The following CSAD variants were observed in gnomAD, a reference collection of about 807,000 sequenced individuals.
The protein encoded by CSAD is P-selectin cytoplasmic tail-associated protein.
Under a neutral mutation model 61.5 loss-of-function variants are expected in CSAD, and 47 were observed. The ratio of observed to expected loss-of-function variants is 0.76; its 90% CI spans 0.60 to 0.97. The LOEUF is 0.97. CSAD is among the 50% of genes least tolerant of loss of function. CSAD has a pLI of 0.00. For synonymous variants in CSAD, 245 were observed against 252.7 expected (o/e 0.97, Z 0.29); for missense variants, 611 against 643.6 (o/e 0.95, Z 0.55).
At position 53,159,996 on chromosome 12, in the gene CSAD, A is replaced by G. The variant is rs1245488341; in HGVS notation, c.1167-58T>C. The G allele has an allele frequency of 1.9e-6, 3 of 1,600,186 alleles. No individual in the cohort carries two copies. The East Asian group carries it at 6.7e-5, about 36-fold the overall frequency. On this transcript the variant is annotated intron_variant, in intron 14 of 16. Transcript: ENST00000444623. ...GAGGAAAAGCAGAGATCCAGACAGA[A>G]GAGGCCCACGTAGAATGAGCCACAG...
At chr12:53,173,883 G>A in intron 2 of CSAD, 113 bp from the exon 3 acceptor site, 2 of 1,072,128 alleles carry the variant, frequency 1.9e-6, no homozygotes, top group East Asian at 2.6e-5. Flanking sequence ...TCTAACGCCA[G>A]AACATTTTCA....
rs1337869866 is a variant in CSAD, at chr12:53,159,722, A to ATGAGAAAGAGGAAGGTGTGAGC, written c.1219-32_1219-11dup. The ATGAGAAAGAGGAAGGTGTGAGC allele has an allele frequency of 3.7e-6, 6 of 1,603,344 alleles. No homozygotes were observed. The African/African-American group carries it at 4.0e-5, about 11-fold the overall frequency. ...CATTGACAAACTCAGGCTGAGAGGA[A>ATGAGAAAGAGGAAGGTGTGAGC]TGAGAAAGAGGAAGGTGTGAGCTGA... is the stretch of plus-strand genomic sequence containing the variant. On this transcript the variant is annotated splice_polypyrimidine_tract_variant and intron_variant, in intron 15 of 16. Transcript: ENST00000444623.
chr12:53,178,063 T>C (rs1414494569), intron 2 of CSAD, among the ~76,000 whole-genome samples: 5 of 152,190 alleles, frequency 3.3e-5, no homozygotes, highest in African/African-American at 1.2e-4. Flanking sequence ...AAAAAATTCA[T>C]AGCATACACT....
intron 8 of CSAD, chr12:53,170,964 AC>A (rs1011755323): frequency 1.3e-4 from 55 of 421,850 alleles, no homozygotes; most frequent in African/African-American, 9.9e-4. Flanking sequence ...CAGGCAATCC[AC>A]CCACCTCAGC....
upstream of CSAD, chr12:53,181,019 GCGCGTCCCGC>G (rs1428118917): frequency 1.2e-6 from 1 of 862,042 alleles, no homozygotes; most frequent in Non-Finnish European, 1.5e-6. Context: ...CCCCCTGCCC[GCGCGTCCCGC>G]CGCGTCCCCG....
chr12:53,164,456 G>A, intron 10 of CSAD: 1 of 177,950 alleles, frequency 5.6e-6, no homozygotes, highest in South Asian at 1.1e-4. Context: ...CTGGAGGCCA[G>A]TATCCTAAGT....
chr12:53,177,584 T>C (rs1136356), intron 2 of CSAD, among the ~76,000 whole-genome samples: 5 of 152,180 alleles, frequency 3.3e-5, no homozygotes, highest in Admixed American at 2.6e-4. Flanking sequence ...AGCTCACGAG[T>C]TGGAAACCAG....
At chr12:53,177,030 C>CA (rs2121520203) in intron 2 of CSAD, among the ~76,000 whole-genome samples, 1 of 152,128 alleles carries the variant, frequency 6.6e-6, no homozygotes, top group South Asian at 2.1e-4. Flanking sequence ...CTCGCCTGGC[C>CA]AAAATATAAT....
chr12:53,160,881 T>C, intron 12 of CSAD, 37 bp from the exon 13 acceptor site: 1 of 1,524,624 alleles, frequency 6.6e-7, no homozygotes, highest in Admixed American at 2.0e-5. Flanking sequence ...CAGTGGCTCC[T>C]CCTCCAGCTG....
intron 1 of CSAD, chr12:53,179,685 TGA>T: frequency 8.5e-7 from 1 of 1,182,594 alleles, no homozygotes; most frequent in Non-Finnish European, 1.2e-6. Context: ...AAAAAAAAGT[TGA>T]GAATCCTTGT....
chr12:53,159,487 G>GA, intron 16 of CSAD, 136 bp downstream of exon 16: 1 of 692,092 alleles, frequency 1.4e-6, no homozygotes, highest in South Asian at 1.8e-5. Context: ...CACCCCTACC[G>GA]AAAAGAGAGC....
chr12:53,159,752 G>A (rs922564298), intron 15 of CSAD, 40 bp from the exon 16 acceptor site: 1 of 1,565,816 alleles, frequency 6.4e-7, no homozygotes, highest in African/African-American at 1.4e-5. Flanking sequence ...AGCTGAGAAA[G>A]GGGGACCGTT....
intron 2 of CSAD, among the ~76,000 whole-genome samples, chr12:53,174,533 C>T (rs1390214355): frequency 6.6e-6 from 1 of 152,090 alleles, no homozygotes. Context: ...GTGGCTCACA[C>T]CTGTAATCCC....
chr12:53,158,722 G>T, intron 16 of CSAD, 38 bp from the exon 17 acceptor site: 1 of 1,597,996 alleles, frequency 6.3e-7, no homozygotes, highest in Non-Finnish European at 8.5e-7. Context: ...CTGCAGCCTG[G>T]GTCGGCTGAC....
rs367889780 is a variant in CSAD, at chr12:53,171,355, G to A, written c.538C>T (p.Pro180Ser). The change falls in exon 8 of 17, where the codon CCG (proline) becomes TCG (serine). Residue 180 changes from proline to serine, a missense_variant. By Grantham distance (74) the Pro-to-Ser change is moderately conservative (BLOSUM62 -1). Coordinates refer to ENST00000444623, the MANE Select transcript of CSAD (RefSeq NM_001244705.2). The part of the protein sequence containing the change: ...DCKQRGLRTL[P>S]PLALFTSKEC... ...TTCGATGTGAATAGGGCCAGGGGCGGCAGTGTGCGGAGGCCCCTCTGCTTG... is the reference window on the plus strand; with the variant it reads ...TTCGATGTGAATAGGGCCAGGGGCGACAGTGTGCGGAGGCCCCTCTGCTTG... The A allele has an allele frequency of 1.9e-6, 3 of 1,613,850 alleles. No individual in the cohort carries two copies. Among genetic ancestry groups the A allele is most frequent in the African/African-American group, 2.7e-5 (2 of 74,938 alleles).
intron 2 of CSAD, among the ~76,000 whole-genome samples, chr12:53,177,724 C>T (rs921483819): frequency 2.0e-5 from 3 of 152,102 alleles, no homozygotes; most frequent in African/African-American, 7.2e-5. Context: ...CTGCAACCCC[C>T]GCCTCCCGGG....
Position 53,173,790 on chromosome 12 carries a change from G to A in CSAD, c.-49-20C>T, listed in dbSNP as rs1489889189. The A allele has an allele frequency of 6.2e-7, 1 of 1,612,632 alleles. No individual in the cohort carries two copies. The highest frequency in any genetic ancestry group is 1.3e-5 in the African/African-American group (1 of 75,042). On this transcript the variant is annotated intron_variant, in intron 2 of 16. Coordinates refer to ENST00000444623, the MANE Select transcript of CSAD (RefSeq NM_001244705.2). ...TAGCTCCTCAGGACAGCAGGACCAAGATGGCAGAGGAAGTGGGGTGAAAAG... is the reference window on the plus strand; with the variant it reads ...TAGCTCCTCAGGACAGCAGGACCAAAATGGCAGAGGAAGTGGGGTGAAAAG...
intron 4 of CSAD, 89 bp downstream of exon 4, chr12:53,173,254 AGG>A (rs67334572): frequency 4.7e-6 from 5 of 1,061,730 alleles, no homozygotes; most frequent in Non-Finnish European, 6.8e-6. Context: ...GAAGGAAGGA[AGG>A]GGGGGGGAGA....
chr12:53,162,763 C>T lies in CSAD; in HGVS notation c.703-1374G>A, dbSNP rs537676324. On this transcript the variant is annotated intron_variant, in intron 10 of 16. Coordinates refer to ENST00000444623, the MANE Select transcript of CSAD (RefSeq NM_001244705.2). ...CCTAGTGAGACCTCACCTCTACAAA[C>T]GAAAAAAAAATACATAGGCTGGGCG... is the stretch of plus-strand genomic sequence containing the variant. Among the ~76,000 whole-genome samples the T allele has an allele frequency of 2.4e-3, 356 of 146,722 alleles. 1 individual carries two copies. The highest frequency in any genetic ancestry group is 3.0e-3 in the South Asian group (14 of 4,712).
Sources: gnomAD v4.1 joint callset for allele counts (sites outside exome capture counted in the v4.1 genomes callset) on GRCh38, gnomAD v4.1.1 for gene constraint, MANE v1.5 for transcripts, NCBI Gene and HGNC (gene_info 2026-07-23, HGNC 2026-07-21) for gene names.